SLC4A5: variants seen among roughly 807,000 people sequenced by gnomAD.
The protein encoded by SLC4A5 is solute carrier family 4 member 5.
In SLC4A5, 96 loss-of-function variants were observed where a neutral mutation model predicts 120.4. That is an observed-to-expected ratio of 0.80 (90% confidence interval 0.68 to 0.94). The LOEUF is 0.94. Among genes scored for constraint, SLC4A5 ranks in the 40% least tolerant of loss-of-function variants. The pLI is 0.00. For missense variants in SLC4A5, 1,259 were observed against 1,459.5 expected, an observed-to-expected ratio of 0.86 and a Z score of 2.24; for synonymous variants, 550 against 571.1, an observed-to-expected ratio of 0.96 and a Z score of 0.53.
exon 28 of SLC4A5, chr2:74,224,897 C>G (rs990761270): frequency 6.2e-7 from 1 of 1,614,078 alleles, no homozygotes. Flanking sequence ...TGTCTGTCTC[C>G]TTTTTTTCCT....
At chr2:74,233,446 G>C in exon 23 of SLC4A5, 2 of 1,614,238 alleles carry the variant, frequency 1.2e-6, no homozygotes, top group South Asian at 2.2e-5. Flanking sequence ...GCAGTGATCT[G>C]CTGGTCCATG....
At chr2:74,307,446 T>C in intron 6 of SLC4A5, 4 of 630,710 alleles carry the variant, frequency 6.3e-6, no homozygotes, top group South Asian at 5.7e-5. Flanking sequence ...ACTGGTGTCA[T>C]CAATGACCTT....
chr2:74,265,668 C>T lies in SLC4A5; in HGVS notation c.402-404G>A, dbSNP rs567350150. Among the ~76,000 whole-genome samples the T allele has an allele frequency of 4.6e-5, 7 of 152,286 alleles. No individual in the cohort carries two copies. In the East Asian group the frequency reaches 1.3e-3, roughly 29 times the overall value. On this transcript the variant is annotated intron_variant, in intron 8 of 30. Transcript: ENST00000394019. The stretch of plus-strand genomic sequence containing the variant: ...AAAGCCTCAACTGGAACCTGATTAT[C>T]TCAGGCTGTTCACACATGAGTGTTC...
chr2:74,333,540 C>T (rs1234359858), intron 4 of SLC4A5, among the ~76,000 whole-genome samples: 1 of 152,156 alleles, frequency 6.6e-6, no homozygotes, highest in Non-Finnish European at 1.5e-5. Context: ...AAACTATTTA[C>T]ATAGCATTTA....
intron 7 of SLC4A5, chr2:74,290,435 AAAAG>A (rs1672122860): frequency 1.0e-6 from 1 of 985,586 alleles, no homozygotes; most frequent in Non-Finnish European, 1.2e-6. Context: ...TGAGGGGAGA[AAAAG>A]AGAGAGAGAA....
At chr2:74,239,351 C>A in exon 21 of SLC4A5, 1 of 1,614,094 alleles carries the variant, frequency 6.2e-7, no homozygotes, top group South Asian at 1.1e-5. Flanking sequence ...AGGAAAATAG[C>A]GGCTGAATTT....
chr2:74,241,296 C>T (rs1670435466), intron 20 of SLC4A5, among the ~76,000 whole-genome samples: 1 of 141,498 alleles, frequency 7.1e-6, no homozygotes, highest in Non-Finnish European at 1.5e-5. Context: ...GACAGGGTCT[C>T]GCTCTGTCAC....
chr2:74,263,447 T>C (rs1216236069), intron 10 of SLC4A5, among the ~76,000 whole-genome samples: 1 of 152,190 alleles, frequency 6.6e-6, no homozygotes, highest in Non-Finnish European at 1.5e-5. Flanking sequence ...TGTAGCAACT[T>C]TGCTCTGGTT....
intron 7 of SLC4A5, among the ~76,000 whole-genome samples, chr2:74,303,786 T>C (rs6706596): frequency 0.032 from 4,852 of 152,204 alleles, 267 homozygotes; most frequent in African/African-American, 0.11. Flanking sequence ...GTGGAGCTAA[T>C]GTAACAAGAA....
At chr2:74,251,106 G>A (rs996143052) in intron 16 of SLC4A5, among the ~76,000 whole-genome samples, 4 of 152,122 alleles carry the variant, frequency 2.6e-5, no homozygotes, top group Non-Finnish European at 2.9e-5. Context: ...CCTCAGTTCT[G>A]CTGATATTTT....
At chr2:74,256,059 G>C (rs1670955966) in intron 12 of SLC4A5, 127 bp from the exon 13 acceptor site, 1 of 997,956 alleles carries the variant, frequency 1.0e-6, no homozygotes, top group Non-Finnish European at 1.5e-6. Flanking sequence ...GAGACTGAAA[G>C]AATAAATAAG....
intron 8 of SLC4A5, among the ~76,000 whole-genome samples, chr2:74,278,131 G>A (rs748293006): frequency 1.1e-4 from 16 of 152,174 alleles, no homozygotes. Flanking sequence ...CTGATGGTGG[G>A]GTTATTCCCC....
intron 5 of SLC4A5, among the ~76,000 whole-genome samples, chr2:74,318,861 C>G (rs1285778608): frequency 6.6e-6 from 1 of 151,828 alleles, no homozygotes; most frequent in African/African-American, 2.4e-5. Flanking sequence ...GGTATATGCC[C>G]AAAGGAAAAG....
exon 31 of SLC4A5, chr2:74,218,355 G>T (rs144489195): frequency 1.3e-5 from 2 of 152,132 alleles, no homozygotes; most frequent in Admixed American, 1.3e-4. Flanking sequence ...GGGGAAACAA[G>T]CATTTTTTTA....
intron 20 of SLC4A5, among the ~76,000 whole-genome samples, chr2:74,240,248 T>C (rs1670396443): frequency 6.6e-6 from 1 of 152,066 alleles, no homozygotes; most frequent in Admixed American, 6.6e-5. Flanking sequence ...AGCCAACTTT[T>C]TCCCAACCTT....
At chr2:74,290,794 G>A in intron 7 of SLC4A5, 1 of 986,748 alleles carries the variant, frequency 1.0e-6, no homozygotes, top group African/African-American at 1.7e-5. Flanking sequence ...CTGAGGACCT[G>A]TGAGAGGACT....
chr2:74,230,769 C>T (rs1278411680), intron 25 of SLC4A5, among the ~76,000 whole-genome samples: 1 of 152,122 alleles, frequency 6.6e-6, no homozygotes, highest in East Asian at 1.9e-4. Context: ...GGAAACATTG[C>T]TTTGGCCTAG....
At chr2:74,292,452 C>T (rs1304096629) in intron 7 of SLC4A5, among the ~76,000 whole-genome samples, 2 of 152,188 alleles carry the variant, frequency 1.3e-5, no homozygotes, top group African/African-American at 4.8e-5. Flanking sequence ...CTCTAATGCC[C>T]TGCGGATCCC....
At chr2:74,239,901 T>C (rs979668393) in intron 20 of SLC4A5, among the ~76,000 whole-genome samples, 2 of 152,058 alleles carry the variant, frequency 1.3e-5, no homozygotes, top group Non-Finnish European at 2.9e-5. Flanking sequence ...CTTTCATATA[T>C]GGGGGATCAC....
Sources: gnomAD v4.1 joint callset for allele counts (sites outside exome capture counted in the v4.1 genomes callset) on GRCh38, gnomAD v4.1.1 for gene constraint, MANE v1.5 for transcripts, NCBI Gene and HGNC (gene_info 2026-07-23, HGNC 2026-07-21) for gene names.